The following NAP1L1 variants were observed in gnomAD, a reference collection of about 807,000 sequenced individuals.
NAP1L1 encodes the protein nucleosome assembly protein 1 like 1, also known as nucleosome assembly protein 1-like 1.
In NAP1L1, 9 loss-of-function variants were observed where a neutral mutation model predicts 58.9. That is an observed-to-expected ratio of 0.15 (90% CI 0.09 to 0.27). The LOEUF (loss-of-function observed/expected upper bound fraction) is 0.27. NAP1L1 is among the 10% of genes least tolerant of loss of function. NAP1L1 has a pLI of 1.00. For missense variants in NAP1L1, 302 were observed against 458.8 expected (o/e 0.66, Z 3.12); for synonymous variants, 130 against 138.3 (o/e 0.94, Z 0.42).
rs1044459575 is a variant in NAP1L1, at chr12:76,074,277, T to C, written c.-20-38A>G. 9.8e-6 allele frequency: 15 copies of C among 1,532,236 alleles called. No individual in the cohort carries two copies. In the Admixed American group the frequency reaches 3.2e-4, roughly 33 times the overall value. 94.9% of individuals were successfully genotyped at this position (1,532,236 alleles called of 1,614,324 possible). A position where few individuals can be genotyped will look rare whatever the true frequency, so the allele number is the denominator to read the frequency against. On this transcript the variant is annotated intron_variant, in intron 1 of 14. Coordinates refer to ENST00000618691, the MANE Select transcript of NAP1L1 (RefSeq NM_004537.7). ...ACATCAATGTTAAAAAAAAAGTATA[T>C]GATTTATTAAAAAAAAATAAGAAAC...
Position 76,053,343 on chromosome 12 carries a change from T to C in NAP1L1, c.778A>G (p.Ile260Val), listed in dbSNP as rs1322722967. ...PEIMGCTGCQ[I>V]DWKKGKNVTL... ...ACATTCTTTCCTTTTTTCCAATCTA[T>C]CTGGCACCTTGCAAAACAAAGAAGA... Residue 260 changes from isoleucine (I) to valine (V), a missense_variant, in exon 10 of 15, where the codon ATA (isoleucine) becomes GTA (valine). Coordinates refer to ENST00000618691, the MANE Select transcript of NAP1L1 (RefSeq NM_004537.7). 1.2e-6 allele frequency: 2 copies of C among 1,607,636 alleles called. No individual in the cohort carries two copies. The highest frequency in any genetic ancestry group is 2.7e-5 in the African/African-American group (2 of 74,548).
At chr12:76,049,472 C>G (rs1398450034) in intron 13 of NAP1L1, 5 of 1,535,480 alleles carry the variant, frequency 3.3e-6, no homozygotes, top group Middle Eastern at 1.7e-4. Flanking sequence ...GTTACTGCAG[C>G]CAACGTTGGA....
At chr12:76,082,898 A>C (rs1950463325) in intron 1 of NAP1L1, among the ~76,000 whole-genome samples, 1 of 152,206 alleles carries the variant, frequency 6.6e-6, no homozygotes, top group Non-Finnish European at 1.5e-5. Flanking sequence ...TTTTGAATCC[A>C]CCTATTTTCA....
chr12:76,080,845 C>T (rs1053300380), intron 1 of NAP1L1, among the ~76,000 whole-genome samples: 1 of 152,102 alleles, frequency 6.6e-6, no homozygotes, highest in African/African-American at 2.4e-5. Context: ...GAGGGCTCCA[C>T]CCTCACAAAC....
chr12:76,048,870 C>T (rs1406380014), intron 14 of NAP1L1: 1 of 412,544 alleles, frequency 2.4e-6, no homozygotes, highest in Non-Finnish European at 4.3e-6. Context: ...AGTTCCCGAA[C>T]ACTCCTACAA....
At chr12:76,072,409 A>T (rs898779934) in intron 2 of NAP1L1, among the ~76,000 whole-genome samples, 3 of 152,076 alleles carry the variant, frequency 2.0e-5, no homozygotes, top group African/African-American at 7.2e-5. Flanking sequence ...TTCTGTCCAG[A>T]AAGAAGAGCA....
chr12:76,041,973 T>C lies in NAP1L1; in HGVS notation c.*6456A>G, dbSNP rs1948555837. On this transcript the variant is annotated 3_prime_UTR_variant, in exon 15 of 15. Transcript: ENST00000618691. ...CAAAGGCCAAAGAAAGTAAACAGCA[T>C]ATGAAAACACATGTATTAAAATAAA... 6.6e-6 allele frequency: 1 copy of C among 152,156 alleles called. No homozygotes were observed. The highest frequency in any genetic ancestry group is 6.5e-5 in the Admixed American group (1 of 15,280). 9.4% of individuals were successfully genotyped at this position (152,156 alleles called of 1,614,324 possible).
chr12:76,044,390 AC>A lies in NAP1L1; in HGVS notation c.*4038del, dbSNP rs1424081460. The A allele has an allele frequency of 1.3e-5, 2 of 152,062 alleles. No individual in the cohort carries two copies. Among genetic ancestry groups the A allele is most frequent in the African/African-American group, 4.8e-5 (2 of 41,394 alleles). The allele number at this position is 152,062 out of a possible 1,614,324, so 9.4% of individuals were successfully genotyped here. A position where few individuals can be genotyped will look rare whatever the true frequency, so the allele number is the denominator to read the frequency against. On this transcript the variant is annotated 3_prime_UTR_variant, in exon 15 of 15. Transcript: ENST00000618691. ...TTATCCTGGGTTTCAAAATAATAAAACTCAGTTTGTTCTAGGATCCACAAAA... is the reference window on the plus strand; with the variant it reads ...TTATCCTGGGTTTCAAAATAATAAAATCAGTTTGTTCTAGGATCCACAAAA...
chr12:76,048,983 G>T, intron 14 of NAP1L1: 1 of 548,884 alleles, frequency 1.8e-6, no homozygotes, highest in Non-Finnish European at 3.2e-6. Context: ...ACTATAAAAA[G>T]CACGAAGTCC....
chr12:76,044,586 TAGA>T lies in NAP1L1; in HGVS notation c.*3840_*3842del, dbSNP rs1948580983. 6.6e-6 allele frequency: 1 copy of T among 152,142 alleles called. No individual in the cohort carries two copies. Among genetic ancestry groups the T allele is most frequent in the Non-Finnish European group, 1.5e-5 (1 of 68,024 alleles). The allele number at this position is 152,142 out of a possible 1,614,324, so 9.4% of individuals were successfully genotyped here. A position where few individuals can be genotyped will look rare whatever the true frequency, so the allele number is the denominator to read the frequency against. Reference sequence around the variant, plus strand: ...CACTGTAAGTCAAAAATATCATAAGTAGAAGATGTGTTTAATACTCCAATAAAC... The same window carrying T: ...CACTGTAAGTCAAAAATATCATAAGTAGATGTGTTTAATACTCCAATAAAC... On this transcript the variant is annotated 3_prime_UTR_variant, in exon 15 of 15. Coordinates refer to ENST00000618691, the MANE Select transcript of NAP1L1 (RefSeq NM_004537.7).
chr12:76,057,670 G>A, intron 6 of NAP1L1: 2 of 1,462,784 alleles, frequency 1.4e-6, no homozygotes, highest in South Asian at 2.4e-5. Context: ...AGAGTACTGT[G>A]AATATATGCC....
At position 76,043,113 on chromosome 12, in the gene NAP1L1, A is replaced by G. The variant is rs1352394480; in HGVS notation, c.*5316T>C. On this transcript the variant is annotated 3_prime_UTR_variant, in exon 15 of 15. Coordinates refer to ENST00000618691, the MANE Select transcript of NAP1L1 (RefSeq NM_004537.7). ...TTCACTGCTGCTGCCACGTCATTTA[A>G]CTTACTTTTTCAGTTGCATATATAT... 1.3e-5 allele frequency: 2 copies of G among 152,156 alleles called. No homozygotes were observed. Among genetic ancestry groups the G allele is most frequent in the African/African-American group, 4.8e-5 (2 of 41,420 alleles). 9.4% of individuals were successfully genotyped at this position (152,156 alleles called of 1,614,324 possible). A position where few individuals can be genotyped will look rare whatever the true frequency, so the allele number is the denominator to read the frequency against.
rs1949343329 is a variant in NAP1L1 at position 76,060,159 on chromosome 12, G to C, written c.327C>G (p.Leu109=). ...VHDLERKYAV[L]YQPLFDKRFE... The stretch of plus-strand genomic sequence containing the variant: ...TTACCTTATCAAATAGAGGCTGATA[G>C]AGAACAGCATACTTCCTTTCAAGAT... Residue 109 remains leucine, a synonymous_variant, in exon 5 of 15, where the codon CTC becomes CTG. Coordinates refer to ENST00000618691, the MANE Select transcript of NAP1L1 (RefSeq NM_004537.7). The C allele has an allele frequency of 1.9e-6, 3 of 1,612,838 alleles. No homozygotes were observed. The highest frequency in any genetic ancestry group is 1.7e-5 in the Admixed American group (1 of 60,010).
At chr12:76,074,402 T>C (rs1950097781) in intron 1 of NAP1L1, 163 bp from the exon 2 acceptor site, 2 of 969,150 alleles carry the variant, frequency 2.1e-6, no homozygotes, top group African/African-American at 3.5e-5. Context: ...TCATGGAACA[T>C]GCAAATTCTT....
Position 76,060,120 on chromosome 12 carries a change from A to G in NAP1L1, c.348+18T>C, listed in dbSNP as rs1296012999. On this transcript the variant is annotated intron_variant, in intron 5 of 14. Coordinates refer to ENST00000618691, the MANE Select transcript of NAP1L1 (RefSeq NM_004537.7). ...TCTTCTAGAATGTTAAATTAAACAA[A>G]GTAGGAGAAAGCATTACCTTATCAA... 1 of 1,596,024 alleles carries G rather than the reference A, an allele frequency of 6.3e-7. No individual in the cohort carries two copies. Among genetic ancestry groups the G allele is most frequent in the South Asian group, 1.1e-5 (1 of 90,276 alleles).
chr12:76,054,579 T>C (rs1464664269), intron 8 of NAP1L1, among the ~76,000 whole-genome samples: 1 of 152,186 alleles, frequency 6.6e-6, no homozygotes, highest in Non-Finnish European at 1.5e-5. Context: ...AAACGTGAAC[T>C]TGACACAGAA....
At chr12:76,065,827 A>ATTTT (rs1419433239) in intron 4 of NAP1L1, among the ~76,000 whole-genome samples, 2 of 152,020 alleles carry the variant, frequency 1.3e-5, no homozygotes, top group African/African-American at 4.8e-5. Flanking sequence ...ACTGTCAAAA[A>ATTTT]TGTGGATGAT....
rs1235112953 is a variant in NAP1L1 at position 76,045,830 on chromosome 12, T to G, written c.*2599A>C. 1 of 152,090 alleles carries G rather than the reference T, an allele frequency of 6.6e-6. No individual in the cohort carries two copies. Among genetic ancestry groups the G allele is most frequent in the Non-Finnish European group, 1.5e-5 (1 of 67,924 alleles). 9.4% of individuals were successfully genotyped at this position (152,090 alleles called of 1,614,324 possible). ...GTTTTCTTTATAAGTGATTATATGA[T>G]ATTTCACCATTTCTAACAGGAAAAA... On this transcript the variant is annotated 3_prime_UTR_variant, in exon 15 of 15. Transcript: ENST00000618691.
At chr12:76,069,802 T>G (rs549650089) in intron 2 of NAP1L1, among the ~76,000 whole-genome samples, 2 of 151,776 alleles carry the variant, frequency 1.3e-5, no homozygotes, top group South Asian at 4.2e-4. Flanking sequence ...ATTAATAAGA[T>G]AGCATCCTTC....
Sources: allele counts gnomAD v4.1 joint callset (sites outside exome capture counted in the v4.1 genomes callset), GRCh38; gene constraint gnomAD v4.1.1; transcripts MANE v1.5; gene names NCBI Gene and HGNC (gene_info 2026-07-23, HGNC 2026-07-21).